INTS4: variants seen among roughly 807,000 people sequenced by gnomAD.
INTS4 encodes the protein integrator complex subunit 4, also known as MSTP093.
Under a neutral mutation model 119.5 loss-of-function variants are expected in INTS4, and 70 were observed. The ratio of observed to expected loss-of-function variants is 0.59; its 90% CI spans 0.48 to 0.71. INTS4 has a LOEUF of 0.71. Ranked by LOEUF, INTS4 falls within the 30% of genes least tolerant of loss-of-function variation. The pLI is 0.00. For synonymous variants in INTS4, 316 were observed against 419.6 expected, an observed-to-expected ratio of 0.75 and a Z score of 3.02; for missense variants, 867 against 1,173.2, an observed-to-expected ratio of 0.74 and a Z score of 3.81.
In INTS4 at chr11:77,923,349, G is replaced by T. The variant is rs188111750; in HGVS notation, c.1515-878C>A. The stretch of plus-strand genomic sequence containing the variant: ...AAAAAAAAAAAAAGCCAAGAGAACT[G>T]CAGAGAAACCAAAGAGAGCCCTGGT... On this transcript the variant is annotated intron_variant, in intron 12 of 22. Transcript: ENST00000534064. 3.7e-3 allele frequency among the ~76,000 whole-genome samples: 538 copies of T among 147,394 alleles called. 3 individuals carry two copies. The highest frequency in any genetic ancestry group is 0.013 in the African/African-American group (506 of 40,102).
intron 19 of INTS4, among the ~76,000 whole-genome samples, chr11:77,892,957 G>A (rs1193481772): frequency 2.0e-5 from 3 of 152,190 alleles, no homozygotes; most frequent in Admixed American, 1.3e-4. Flanking sequence ...TGAAGGTAGT[G>A]TTGCAACTCA....
intron 14 of INTS4, 150 bp from the exon 15 acceptor site, chr11:77,919,128 CT>C: frequency 1.2e-6 from 1 of 824,280 alleles, no homozygotes; most frequent in Non-Finnish European, 1.9e-6. Context: ...CATTTCTCCC[CT>C]TCCTCAGCAA....
intron 8 of INTS4, among the ~76,000 whole-genome samples, chr11:77,945,209 T>C (rs544231271): frequency 3.3e-5 from 5 of 152,272 alleles, no homozygotes; most frequent in Admixed American, 2.6e-4. Flanking sequence ...GAGATACCTA[T>C]CAGTGGTCCC....
intron 13 of INTS4, among the ~76,000 whole-genome samples, chr11:77,921,860 G>A (rs1383552616): frequency 7.2e-5 from 11 of 152,042 alleles, no homozygotes; most frequent in East Asian, 1.9e-4. Flanking sequence ...GTAAAACCCC[G>A]TCTCTACTAA....
chr11:77,920,282 T>C (rs546051198), intron 14 of INTS4, among the ~76,000 whole-genome samples: 110 of 144,988 alleles, frequency 7.6e-4, no homozygotes, highest in Non-Finnish European at 1.0e-3. Context: ...TATATACACA[T>C]ATATATATAT....
At chr11:77,916,130 G>C (rs111303106) in intron 15 of INTS4, among the ~76,000 whole-genome samples, 3 of 152,158 alleles carry the variant, frequency 2.0e-5, no homozygotes, top group Non-Finnish European at 4.4e-5. Flanking sequence ...GCTTAAATTA[G>C]TTAAAAGCCT....
intron 2 of INTS4, among the ~76,000 whole-genome samples, chr11:77,989,373 G>A (rs540737878): frequency 6.6e-6 from 1 of 152,192 alleles, no homozygotes; most frequent in South Asian, 2.1e-4. Flanking sequence ...TGTAGTCCCA[G>A]CTACTTGGGA....
chr11:77,907,054 A>C (rs991773788), intron 16 of INTS4, among the ~76,000 whole-genome samples: 2 of 152,184 alleles, frequency 1.3e-5, no homozygotes, highest in Non-Finnish European at 1.5e-5. Context: ...TCAACCTTTT[A>C]ACTTTGATGA....
At chr11:77,889,811 A>G (rs918031559) in intron 21 of INTS4, among the ~76,000 whole-genome samples, 10 of 152,180 alleles carry the variant, frequency 6.6e-5, no homozygotes, top group African/African-American at 9.7e-5. Context: ...CCTATAAGGT[A>G]TCTAAAAGGT....
chr11:77,903,206 T>C (rs1381029609), intron 17 of INTS4, among the ~76,000 whole-genome samples: 10 of 152,240 alleles, frequency 6.6e-5, no homozygotes, highest in African/African-American at 2.4e-4. Flanking sequence ...TGTCTCCTAG[T>C]TATGCTCCTT....
chr11:77,959,879 C>T (rs147452788), intron 6 of INTS4, among the ~76,000 whole-genome samples: 37 of 152,244 alleles, frequency 2.4e-4, no homozygotes, highest in African/African-American at 8.9e-4. Context: ...TCAGCTTTTC[C>T]ACAACTTCAT....
intron 11 of INTS4, among the ~76,000 whole-genome samples, chr11:77,926,043 G>C (rs1953489887): frequency 6.6e-6 from 1 of 152,186 alleles, no homozygotes; most frequent in Non-Finnish European, 1.5e-5. Flanking sequence ...CATTTTGTTT[G>C]TTTACTCCAC....
At chr11:77,990,641 G>C (rs1340894865) in intron 2 of INTS4, among the ~76,000 whole-genome samples, 1 of 139,162 alleles carries the variant, frequency 7.2e-6, no homozygotes, top group East Asian at 2.1e-4. Flanking sequence ...AGCCAAGATT[G>C]CACTACTGCA....
intron 8 of INTS4, among the ~76,000 whole-genome samples, chr11:77,953,307 T>C (rs1213612902): frequency 6.6e-6 from 1 of 152,154 alleles, no homozygotes; most frequent in Non-Finnish European, 1.5e-5. Context: ...GTATACAAAT[T>C]TTTATAGATA....
intron 4 of INTS4, among the ~76,000 whole-genome samples, chr11:77,972,535 G>A (rs1465918470): frequency 6.6e-6 from 1 of 151,924 alleles, no homozygotes; most frequent in Non-Finnish European, 1.5e-5. Context: ...TCCTGCCTCA[G>A]CCTCCCCAGT....
chr11:77,880,964 T>A (rs539215221), intron 22 of INTS4, among the ~76,000 whole-genome samples: 2 of 151,986 alleles, frequency 1.3e-5, no homozygotes, highest in African/African-American at 4.8e-5. Context: ...AAAAAACAAA[T>A]AAATCCTGCT....
intron 17 of INTS4, among the ~76,000 whole-genome samples, chr11:77,902,057 C>G (rs1441964941): frequency 6.6e-6 from 1 of 152,170 alleles, no homozygotes; most frequent in Non-Finnish European, 1.5e-5. Context: ...ATCAAGTCCC[C>G]GATCTTGCTC....
chr11:77,881,572 G>T (rs1329450219), intron 22 of INTS4, among the ~76,000 whole-genome samples: 1 of 152,198 alleles, frequency 6.6e-6, no homozygotes, highest in Admixed American at 6.5e-5. Flanking sequence ...AATGAAAAGA[G>T]AATACTAATT....
intron 1 of INTS4, among the ~76,000 whole-genome samples, chr11:77,992,518 T>C (rs1856736275): frequency 6.6e-6 from 1 of 152,134 alleles, no homozygotes; most frequent in Non-Finnish European, 1.5e-5. Context: ...CTGGGCAACA[T>C]GGTGAAATCC....
Sources: gnomAD v4.1 joint callset for allele counts (sites outside exome capture counted in the v4.1 genomes callset) on GRCh38, gnomAD v4.1.1 for gene constraint, MANE v1.5 for transcripts, NCBI Gene and HGNC (gene_info 2026-07-23, HGNC 2026-07-21) for gene names.